Variants in SUPT3H observed in about 807,000 individuals in gnomAD.
SUPT3H encodes transcription initiation protein SPT3 homolog.
SUPT3H carries 44 observed loss-of-function variants against 44.3 expected under a neutral mutation model. The ratio of observed to expected loss-of-function variants is 0.99; its 90% CI spans 0.78 to 1.28. The LOEUF (loss-of-function observed/expected upper bound fraction) is 1.28, where lower values mean the gene tolerates loss of function less well. Ranked by LOEUF, SUPT3H falls within the 50% of genes most tolerant of loss-of-function variation. The pLI, the probability that SUPT3H is intolerant of heterozygous loss-of-function variation, is 0.00. For synonymous variants in SUPT3H, 124 were observed against 125.6 expected (o/e 0.99, Z 0.09); for missense variants, 380 against 387.1 (o/e 0.98, Z 0.15).
intron 2 of SUPT3H, among the ~76,000 whole-genome samples, chr6:45,327,370 T>C (rs868145490): frequency 7.9e-5 from 12 of 152,188 alleles, no homozygotes; most frequent in South Asian, 2.1e-4. Context: ...TTTTACTTTA[T>C]AGAAGATCTG....
chr6:45,184,763 C>T (rs1813874969), intron 2 of SUPT3H, among the ~76,000 whole-genome samples: 2 of 135,980 alleles, frequency 1.5e-5, no homozygotes, highest in South Asian at 4.7e-4. Flanking sequence ...GTAGAACCAC[C>T]AACAGGCAGA....
At chr6:44,941,564 C>T (rs1178936677) in intron 9 of SUPT3H, among the ~76,000 whole-genome samples, 1 of 151,940 alleles carries the variant, frequency 6.6e-6, no homozygotes, top group Non-Finnish European at 1.5e-5. Flanking sequence ...TAATTAAAAC[C>T]AGAAAGGTGT....
At chr6:45,037,345 TAA>T (rs1415630584) in intron 3 of SUPT3H, among the ~76,000 whole-genome samples, 1 of 151,528 alleles carries the variant, frequency 6.6e-6, no homozygotes, top group Non-Finnish European at 1.5e-5. Context: ...TAGATGAACA[TAA>T]TGATAAGATA....
chr6:45,239,444 C>T (rs1769867693), intron 2 of SUPT3H, among the ~76,000 whole-genome samples: 1 of 152,210 alleles, frequency 6.6e-6, no homozygotes, highest in Non-Finnish European at 1.5e-5. Context: ...GAAGCTAAAG[C>T]TATTATCCAG....
chr6:45,352,218 C>A (rs979448032), intron 2 of SUPT3H, among the ~76,000 whole-genome samples: 1 of 152,106 alleles, frequency 6.6e-6, no homozygotes. Context: ...TTACAAATAA[C>A]CTTTGATCGT....
At chr6:45,321,906 G>A (rs778463529) in intron 2 of SUPT3H, 9 of 1,414,572 alleles carry the variant, frequency 6.4e-6, no homozygotes, top group South Asian at 5.0e-5. Flanking sequence ...AAAAAAAATT[G>A]TAATCTCACC....
chr6:44,960,023 T>C (rs1406264430), intron 7 of SUPT3H, among the ~76,000 whole-genome samples: 1 of 152,100 alleles, frequency 6.6e-6, no homozygotes, highest in Non-Finnish European at 1.5e-5. Flanking sequence ...CATATATAAA[T>C]AGTTTTAAAT....
Position 45,245,055 on chromosome 6 carries a change from T to TA in SUPT3H, c.101+120145dup, listed in dbSNP as rs138337906. ...TACCTTCGAGCATTAAAAGATTTTG[T>TA]AAAAATCATTTTTTAAGATTGGTAA... is the stretch of plus-strand genomic sequence containing the variant. On this transcript the variant is annotated intron_variant, in intron 2 of 10. Coordinates refer to ENST00000371459, the MANE Select transcript of SUPT3H (RefSeq NM_003599.4). Among the ~76,000 whole-genome samples, 1,150 of 152,264 alleles carry TA rather than the reference T, an allele frequency of 7.6e-3. 21 individuals are homozygous for TA. Among genetic ancestry groups the TA allele is most frequent in the African/African-American group, 0.026 (1,090 of 41,554 alleles).
chr6:45,284,082 A>C (rs1562869851), intron 2 of SUPT3H, among the ~76,000 whole-genome samples: 2 of 152,234 alleles, frequency 1.3e-5, no homozygotes, highest in African/African-American at 2.4e-5. Context: ...TCTCTGGGAC[A>C]CATTCAAAGC....
intron 2 of SUPT3H, among the ~76,000 whole-genome samples, chr6:45,146,589 AAT>A (rs1167213044): frequency 1.3e-5 from 2 of 152,164 alleles, no homozygotes; most frequent in African/African-American, 2.4e-5. Context: ...ATAAAAATAA[AAT>A]AGATATTTTG....
rs149195923 is a variant in SUPT3H, at chr6:45,020,988, T to C, written c.187-356A>G. Among the ~76,000 whole-genome samples, 346 of 152,068 alleles carry C rather than the reference T, an allele frequency of 2.3e-3. 2 individuals are homozygous for C. The East Asian group carries it at 0.03, about 13-fold the overall frequency. ...GAGCAATGGTTTCACTCAGTATCAC[T>C]AGTTGAATAAGTATATTATTAATCT... On this transcript the variant is annotated intron_variant, in intron 3 of 10. Coordinates refer to ENST00000371459, the MANE Select transcript of SUPT3H (RefSeq NM_003599.4).
At chr6:44,963,147 C>T (rs1776286270) in intron 6 of SUPT3H, among the ~76,000 whole-genome samples, 1 of 151,258 alleles carries the variant, frequency 6.6e-6, no homozygotes, top group African/African-American at 2.4e-5. Context: ...TATATATATA[C>T]ACAAACACAC....
chr6:45,152,648 G>A (rs1307833690), intron 2 of SUPT3H, among the ~76,000 whole-genome samples: 5 of 152,014 alleles, frequency 3.3e-5, no homozygotes, highest in South Asian at 2.1e-4. Context: ...GCAACACCAC[G>A]CCCGGCTAAT....
At position 44,932,688 on chromosome 6, in the gene SUPT3H, A is replaced by G; in HGVS notation, c.877T>C (p.Tyr293His). 6.2e-7 allele frequency: 1 copy of G among 1,611,850 alleles called. No homozygotes were observed. The highest frequency in any genetic ancestry group is 8.5e-7 in the Non-Finnish European group (1 of 1,179,060). Reference protein sequence around the residue: ...PCHIREAIRRYSHRIGPLSPF... With the variant: ...PCHIREAIRRHSHRIGPLSPF... ...GAAAGTGGGCCAATCCTGTGGCTGT[A>G]GCGTCGAATGGCCTCTCTGATGTGG... The change falls in exon 10 of 11, where the codon TAC becomes CAC. Residue 293 changes from tyrosine to histidine, a missense_variant. Physicochemically the swap from Tyr to His is moderately conservative, Grantham distance 83. Coordinates refer to ENST00000371459, the MANE Select transcript of SUPT3H (RefSeq NM_003599.4).
chr6:44,930,034 G>C (rs1770295627), intron 10 of SUPT3H, among the ~76,000 whole-genome samples: 1 of 151,916 alleles, frequency 6.6e-6, no homozygotes, highest in Non-Finnish European at 1.5e-5. Flanking sequence ...GATCACCTGA[G>C]GTCAGGAGTT....
intron 6 of SUPT3H, among the ~76,000 whole-genome samples, chr6:44,973,964 C>G (rs1340561628): frequency 6.6e-6 from 1 of 152,168 alleles, no homozygotes; most frequent in Non-Finnish European, 1.5e-5. Flanking sequence ...ATGGGAACTA[C>G]AATTCCAGAT....
intron 10 of SUPT3H, among the ~76,000 whole-genome samples, chr6:44,912,948 C>T (rs993447656): frequency 6.6e-6 from 1 of 152,052 alleles, no homozygotes; most frequent in Non-Finnish European, 1.5e-5. Flanking sequence ...AAATTATTGT[C>T]GATTCATTGA....
At chr6:44,922,651 GAT>G (rs1245101472) in intron 10 of SUPT3H, among the ~76,000 whole-genome samples, 1 of 152,024 alleles carries the variant, frequency 6.6e-6, no homozygotes, top group East Asian at 1.9e-4. Flanking sequence ...AAATAGAACT[GAT>G]ATGTTATTTT....
intron 3 of SUPT3H, among the ~76,000 whole-genome samples, chr6:45,066,416 C>G (rs1237659454): frequency 9.8e-6 from 1 of 102,502 alleles, no homozygotes; most frequent in Non-Finnish European, 1.9e-5. Flanking sequence ...CAGGGATGCC[C>G]TCTCTCACCA....
Sources: gnomAD v4.1 joint callset for allele counts (sites outside exome capture counted in the v4.1 genomes callset) on GRCh38, gnomAD v4.1.1 for gene constraint, MANE v1.5 for transcripts, NCBI Gene and HGNC (gene_info 2026-07-23, HGNC 2026-07-21) for gene names.